The following HECW1 variants were observed in gnomAD, a reference collection of about 807,000 sequenced individuals.
The protein encoded by HECW1 is HECT, C2 and WW domain containing E3 ubiquitin protein ligase 1, also known as E3 ubiquitin-protein ligase HECW1.
Under a neutral mutation model 182.3 loss-of-function variants are expected in HECW1, and 61 were observed. The observed-to-expected ratio is 0.33, with a 90% CI of 0.27 to 0.41. HECW1 has a LOEUF of 0.41. Among genes scored for constraint, HECW1 ranks in the 10% least tolerant of loss-of-function variants. The probability of loss-of-function intolerance (pLI) is 1.00; values close to 1 mark genes in which losing one functional copy is unlikely to be tolerated. For missense variants in HECW1, 1,739 were observed against 2,108.9 expected (o/e 0.82, Z 3.44); for synonymous variants, 859 against 832.6 (o/e 1.03, Z -0.55).
intron 3 of HECW1, among the ~76,000 whole-genome samples, chr7:43,271,353 G>A (rs1802387610): frequency 6.6e-6 from 1 of 152,178 alleles, no homozygotes; most frequent in African/African-American, 2.4e-5. Context: ...GGAAGTGCTA[G>A]CCAAAGCAGT....
intron 6 of HECW1, among the ~76,000 whole-genome samples, chr7:43,370,797 A>G (rs1465338888): frequency 1.3e-5 from 2 of 152,134 alleles, no homozygotes; most frequent in Non-Finnish European, 2.9e-5. Flanking sequence ...TTCCAAACAT[A>G]TGGAGACAGT....
intron 2 of HECW1, among the ~76,000 whole-genome samples, chr7:43,202,298 A>C (rs1443766992): frequency 2.0e-5 from 3 of 152,058 alleles, no homozygotes; most frequent in African/African-American, 4.8e-5. Context: ...ACTCCGTAGG[A>C]TCTCTCTCTC....
Position 43,380,631 on chromosome 7 carries a change from G to A in HECW1, c.556-16183G>A, listed in dbSNP as rs191857072. ...CAACCTCCATCTCCTGGGTTCAAGC[G>A]ATTCTCCTGCCTCAGCCTCCAAGTA... is the stretch of plus-strand genomic sequence containing the variant. On this transcript the variant is annotated intron_variant, in intron 6 of 29. Coordinates refer to ENST00000395891, the MANE Select transcript of HECW1 (RefSeq NM_015052.5). 4.0e-3 allele frequency among the ~76,000 whole-genome samples: 615 copies of A among 151,938 alleles called. 3 individuals are homozygous for A. The highest frequency in any genetic ancestry group is 0.014 in the African/African-American group (588 of 41,458).
chr7:43,521,101 G>C (rs10487675), intron 24 of HECW1, among the ~76,000 whole-genome samples: 58,542 of 152,042 alleles, frequency 0.39, 12,772 homozygotes, highest in African/African-American at 0.59. Context: ...TTCACCAAAA[G>C]GACATAAGAG....
At chr7:43,438,431 C>T (rs949697658) in intron 9 of HECW1, 5 of 222,236 alleles carry the variant, frequency 2.2e-5, no homozygotes, top group Non-Finnish European at 4.4e-5. Flanking sequence ...CTCAATGGGG[C>T]ATTTTTCTGT....
At chr7:43,178,794 C>T (rs1269097802) in intron 2 of HECW1, among the ~76,000 whole-genome samples, 1 of 152,202 alleles carries the variant, frequency 6.6e-6, no homozygotes, top group Non-Finnish European at 1.5e-5. Flanking sequence ...GCCGCTGTGG[C>T]GTTCCTCAAC....
chr7:43,327,724 C>A (rs1395179300), intron 5 of HECW1, among the ~76,000 whole-genome samples: 1 of 152,146 alleles, frequency 6.6e-6, no homozygotes, highest in African/African-American at 2.4e-5. Context: ...TCCATAGGCA[C>A]TCTCTAGCAG....
At chr7:43,446,367 A>G (rs1431779917) in intron 11 of HECW1, among the ~76,000 whole-genome samples, 1 of 152,254 alleles carries the variant, frequency 6.6e-6, no homozygotes, top group Non-Finnish European at 1.5e-5. Flanking sequence ...CTTATCCAGG[A>G]GTGGAAACTG....
At chr7:43,420,539 G>A (rs2076146870) in intron 8 of HECW1, among the ~76,000 whole-genome samples, 1 of 152,106 alleles carries the variant, frequency 6.6e-6, no homozygotes, top group Non-Finnish European at 1.5e-5. Flanking sequence ...AAAACTGTCT[G>A]TATTTTCAGA....
In HECW1 at chr7:43,463,710, C is replaced by T. The variant is rs1438100781; in HGVS notation, c.2702C>T (p.Ser901Phe). The T allele has an allele frequency of 6.2e-7, 1 of 1,613,876 alleles. No homozygotes were observed. Among genetic ancestry groups the T allele is most frequent in the Non-Finnish European group, 8.5e-7 (1 of 1,179,996 alleles). The change falls in exon 14 of 30, where the codon TCT becomes TTT. Residue 901 changes from serine (S) to phenylalanine (F), a missense_variant. Physicochemically the swap from Ser to Phe is radical, Grantham distance 155. Coordinates refer to ENST00000395891, the MANE Select transcript of HECW1 (RefSeq NM_015052.5). ...TIATERSEEDSGSQSCEQAPA... is the reference protein window; with the variant it reads ...TIATERSEEDFGSQSCEQAPA... Reference sequence around the variant, plus strand: ...GCAACAGAGAGGTCCGAAGAAGATTCTGGCAGCCAAAGCTGCGAGCAAGCC... The same window carrying T: ...GCAACAGAGAGGTCCGAAGAAGATTTTGGCAGCCAAAGCTGCGAGCAAGCC...
At chr7:43,366,804 T>C (rs1816709254) in intron 6 of HECW1, among the ~76,000 whole-genome samples, 1 of 152,122 alleles carries the variant, frequency 6.6e-6, no homozygotes, top group African/African-American at 2.4e-5. Context: ...AAAAGGAGTA[T>C]CCAAAAACTA....
At chr7:43,455,619 T>C (rs2077375533) in intron 12 of HECW1, among the ~76,000 whole-genome samples, 1 of 152,202 alleles carries the variant, frequency 6.6e-6, no homozygotes, top group Non-Finnish European at 1.5e-5. Context: ...ACAGTGGTGA[T>C]GGACATTTCT....
intron 6 of HECW1, among the ~76,000 whole-genome samples, chr7:43,380,358 C>T (rs1323642562): frequency 1.3e-5 from 2 of 152,100 alleles, no homozygotes; most frequent in Admixed American, 6.6e-5. Flanking sequence ...GCCACTGTGC[C>T]CAGCCTCTTT....
At chr7:43,312,874 G>C (rs918430499) in intron 4 of HECW1, among the ~76,000 whole-genome samples, 1 of 152,164 alleles carries the variant, frequency 6.6e-6, no homozygotes, top group Non-Finnish European at 1.5e-5. Flanking sequence ...CCCAAAAGTC[G>C]AGTTATAATT....
chr7:43,222,568 T>A (rs1009314357), intron 2 of HECW1, among the ~76,000 whole-genome samples: 1 of 152,186 alleles, frequency 6.6e-6, no homozygotes, highest in Non-Finnish European at 1.5e-5. Context: ...CATATTTTCT[T>A]CAGCTGCTAC....
intron 8 of HECW1, among the ~76,000 whole-genome samples, chr7:43,412,025 C>G (rs1455100265): frequency 6.6e-6 from 1 of 151,706 alleles, no homozygotes; most frequent in Non-Finnish European, 1.5e-5. Flanking sequence ...TTCTTATTTC[C>G]CCTTCTTGAC....
intron 6 of HECW1, among the ~76,000 whole-genome samples, chr7:43,375,910 A>G (rs1459460094): frequency 4.1e-5 from 6 of 146,284 alleles, no homozygotes; most frequent in Non-Finnish European, 7.5e-5. Context: ...AAAAAAAAGG[A>G]AAAAAAGCTC....
chr7:43,300,749 G>A (rs1806653137), intron 3 of HECW1, among the ~76,000 whole-genome samples: 1 of 152,156 alleles, frequency 6.6e-6, no homozygotes, highest in South Asian at 2.1e-4. Flanking sequence ...GGGCATTATG[G>A]TTCATAATCC....
intron 7 of HECW1, among the ~76,000 whole-genome samples, chr7:43,398,232 A>G (rs111703243): frequency 0.012 from 1,817 of 152,266 alleles, 41 homozygotes; most frequent in African/African-American, 0.042. Context: ...ACTCCAACCT[A>G]AGCAACAGAG....
Sources: gnomAD v4.1 joint callset for allele counts (sites outside exome capture counted in the v4.1 genomes callset) on GRCh38, gnomAD v4.1.1 for gene constraint, MANE v1.5 for transcripts, NCBI Gene and HGNC (gene_info 2026-07-23, HGNC 2026-07-21) for gene names.